The following KDM4D variants were observed in gnomAD, a reference collection of about 807,000 sequenced individuals.
KDM4D encodes the protein lysine-specific demethylase 4D.
For synonymous variants in KDM4D, 254 were observed against 249.1 expected (o/e 1.02, Z -0.19); for missense variants, 427 against 674.8 (o/e 0.63, Z 4.07).
Position 94,988,438 on chromosome 11 carries a change from T to C in KDM4D, c.-349-8586T>C, listed in dbSNP as rs587691041. ...AGCCGGAACTCAATTATCCAGCACC[T>C]ATTGCAGTGAAGACATAGAGATATG... On this transcript the variant is annotated intron_variant, in intron 2 of 2. Coordinates refer to ENST00000335080, the MANE Select transcript of KDM4D (RefSeq NM_018039.3). 2.0e-5 allele frequency among the ~76,000 whole-genome samples: 3 copies of C among 152,324 alleles called. No homozygotes were observed. In the East Asian group the frequency reaches 5.8e-4, roughly 29 times the overall value.
intron 2 of KDM4D, among the ~76,000 whole-genome samples, chr11:94,981,392 A>G (rs373316340): frequency 5.3e-5 from 8 of 151,752 alleles, no homozygotes; most frequent in East Asian, 3.9e-4. Flanking sequence ...TTCTTTTTCT[A>G]TTCTCTGAGA....
At chr11:94,974,193 T>C (rs587615732) in intron 1 of KDM4D, 125 bp downstream of exon 1, 16 of 152,330 alleles carry the variant, frequency 1.1e-4, no homozygotes, top group Admixed American at 1.0e-3. Flanking sequence ...TACGAGAGCG[T>C]TTACAATGGT....
At chr11:94,987,871 A>T (rs587684114) in intron 2 of KDM4D, among the ~76,000 whole-genome samples, 130 of 152,310 alleles carry the variant, frequency 8.5e-4, no homozygotes, top group African/African-American at 3.1e-3. Flanking sequence ...AGGTTTGGAA[A>T]ATAGTAACAA....
At position 94,998,482 on chromosome 11, in the gene KDM4D, A is replaced by G. The variant is rs142490271; in HGVS notation, c.1110A>G (p.Ala370=). The change falls in exon 3 of 3, where the codon GCA becomes GCG. Residue 370 remains alanine, a synonymous_variant. Coordinates refer to ENST00000335080, the MANE Select transcript of KDM4D (RefSeq NM_018039.3). This position sits in a 1 kb window ranked among gnomAD's most constrained non-coding sequence, Gnocchi z 6.7. ...AGGAAGTCCAGTTACCCAGGAGAGC[A>G]GCGCTGGGCCTGAGACAACTCCCTT... is the stretch of plus-strand genomic sequence containing the variant. ...TQKEVQLPRR[A]ALGLRQLPSH... 986 of 1,612,496 alleles carry G rather than the reference A, an allele frequency of 6.1e-4. 5 individuals are homozygous for G. The African/African-American group carries it at 9.7e-3, about 16-fold the overall frequency.
chr11:94,993,510 G>A (rs1262783801), intron 2 of KDM4D, among the ~76,000 whole-genome samples: 2 of 108,602 alleles, frequency 1.8e-5, no homozygotes, highest in African/African-American at 5.9e-5. Context: ...CAAATTCTAA[G>A]CAGTTTTTTT....
rs782771414 is a variant in KDM4D, at chr11:94,997,941, C to G, written c.569C>G (p.Ala190Gly). The change falls in exon 3 of 3, where the codon GCT becomes GGT. Residue 190 changes from alanine to glycine, a missense_variant. Transcript: ENST00000335080. ...TTTGGCATGTGGAAAACCACGTTTG[C>G]TTGGCATACAGAGGACATGGACCTT... is the stretch of plus-strand genomic sequence containing the variant. ...LYFGMWKTTF[A>G]WHTEDMDLYS... The G allele has an allele frequency of 6.2e-7, 1 of 1,614,218 alleles. No individual in the cohort carries two copies. Among genetic ancestry groups the G allele is most frequent in the Non-Finnish European group, 8.5e-7 (1 of 1,180,044 alleles).
At chr11:94,975,560 C>G (rs1555096901) in intron 1 of KDM4D, 94 bp from the exon 2 acceptor site, 11 of 151,974 alleles carry the variant, frequency 7.2e-5, no homozygotes. Flanking sequence ...GTGCTTAGAA[C>G]TGTCTCAGCA....
intron 2 of KDM4D, among the ~76,000 whole-genome samples, chr11:94,995,062 C>G (rs1857965233): frequency 6.6e-6 from 1 of 152,168 alleles, no homozygotes; most frequent in South Asian, 2.1e-4. Context: ...TGTGCCAACT[C>G]ATTTAATTAA....
rs782465785 is a variant in KDM4D, at chr11:94,997,566, A to G, written c.194A>G (p.Asn65Ser). Residue 65 changes from asparagine to serine, a missense_variant, in exon 3 of 3, where the codon AAT (asparagine) becomes AGT (serine). Transcript: ENST00000335080. ...KEWKARETYDNISEILIATPL... is the reference protein window; with the variant it reads ...KEWKARETYDSISEILIATPL... ...TGGAAAGCCAGAGAGACCTATGATAATATCAGTGAAATCTTAATAGCCACT... is the reference window on the plus strand; with the variant it reads ...TGGAAAGCCAGAGAGACCTATGATAGTATCAGTGAAATCTTAATAGCCACT... The G allele has an allele frequency of 8.1e-6, 13 of 1,614,036 alleles. No individual in the cohort carries two copies. Among genetic ancestry groups the G allele is most frequent in the African/African-American group, 4.0e-5 (3 of 75,042 alleles).
At chr11:94,990,283 A>G (rs1857924053) in intron 2 of KDM4D, among the ~76,000 whole-genome samples, 1 of 152,208 alleles carries the variant, frequency 6.6e-6, no homozygotes. Flanking sequence ...TGTAGCACTC[A>G]TGGAGTATAG....
chr11:94,989,088 T>G (rs781852945), intron 2 of KDM4D, among the ~76,000 whole-genome samples: 15 of 152,184 alleles, frequency 9.9e-5, no homozygotes, highest in Non-Finnish European at 2.2e-4. Flanking sequence ...GGGAATGAAT[T>G]AATATAAAGT....
chr11:94,978,020 C>T (rs1006607349), intron 2 of KDM4D, among the ~76,000 whole-genome samples: 5 of 151,990 alleles, frequency 3.3e-5, no homozygotes, highest in African/African-American at 7.2e-5. Flanking sequence ...TCTGAAATCC[C>T]GATTTCAAAT....
At chr11:94,993,338 A>G (rs1857951396) in intron 2 of KDM4D, among the ~76,000 whole-genome samples, 6 of 152,122 alleles carry the variant, frequency 3.9e-5, no homozygotes. Flanking sequence ...GTAAGGGTAA[A>G]ATGGAAGAGT....
chr11:94,985,799 G>A (rs587606231), intron 2 of KDM4D, among the ~76,000 whole-genome samples: 2 of 152,230 alleles, frequency 1.3e-5, no homozygotes, highest in South Asian at 4.1e-4. Flanking sequence ...TTCAACAAAA[G>A]TTTCAAGACA....
At chr11:94,985,963 AG>A (rs1857881707) in intron 2 of KDM4D, among the ~76,000 whole-genome samples, 1 of 152,216 alleles carries the variant, frequency 6.6e-6, no homozygotes, top group African/African-American at 2.4e-5. Flanking sequence ...AGAAGAAAAC[AG>A]GAAAAATCTT....
At chr11:94,987,200 A>C (rs1170225590) in intron 2 of KDM4D, among the ~76,000 whole-genome samples, 4 of 152,214 alleles carry the variant, frequency 2.6e-5, no homozygotes, top group African/African-American at 9.6e-5. Context: ...TTGATTTTGA[A>C]GTGATAGAAG....
intron 2 of KDM4D, among the ~76,000 whole-genome samples, chr11:94,989,438 T>G (rs148452631): frequency 5.9e-5 from 9 of 152,200 alleles, no homozygotes; most frequent in Non-Finnish European, 1.2e-4. Context: ...TGCTGCAGTA[T>G]CCATGCAACA....
At chr11:94,996,157 T>C (rs1555099202) in intron 2 of KDM4D, among the ~76,000 whole-genome samples, 1 of 152,232 alleles carries the variant, frequency 6.6e-6, no homozygotes, top group Admixed American at 6.5e-5. Context: ...TTCTTTTCCT[T>C]TTAATACAAT....
Position 94,973,887 on chromosome 11 carries a change from G to A in KDM4D, c.-626G>A, listed in dbSNP as rs200446473. On this transcript the variant is annotated 5_prime_UTR_variant, in exon 1 of 3. Coordinates refer to ENST00000335080, the MANE Select transcript of KDM4D (RefSeq NM_018039.3). ...GCCGACACCACGTCCCCGGCTAGCGGGAGAGAGCGTGGAAAAGGATTACAC... is the reference window on the plus strand; with the variant it reads ...GCCGACACCACGTCCCCGGCTAGCGAGAGAGAGCGTGGAAAAGGATTACAC... The A allele has an allele frequency of 1.3e-5, 2 of 152,292 alleles. No individual in the cohort carries two copies. Among genetic ancestry groups the A allele is most frequent in the Non-Finnish European group, 2.9e-5 (2 of 68,076 alleles). 9.4% of individuals were successfully genotyped at this position (152,292 alleles called of 1,614,324 possible).
Sources: allele counts gnomAD v4.1 joint callset (sites outside exome capture counted in the v4.1 genomes callset), GRCh38; gene constraint gnomAD v4.1.1; non-coding constraint Gnocchi (gnomAD v3.1); transcripts MANE v1.5; gene names NCBI Gene and HGNC (gene_info 2026-07-23, HGNC 2026-07-21).